The following CES2 variants were observed in gnomAD, a reference collection of about 807,000 sequenced individuals.
CES2 encodes the protein cocaine esterase.
A neutral mutation model predicts 52.1 loss-of-function variants in CES2; 42 were observed. The observed-to-expected ratio is 0.81, with a 90% confidence interval of 0.63 to 1.04. The LOEUF (loss-of-function observed/expected upper bound fraction) is 1.04, where lower values mean the gene tolerates loss of function less well. CES2 is among the 50% of genes least tolerant of loss of function. CES2 has a pLI of 0.00. For synonymous variants in CES2, 277 were observed against 289.6 expected (o/e 0.96, Z 0.44); for missense variants, 656 against 724.3 (o/e 0.91, Z 1.08).
chr16:66,943,739 G>A lies in CES2; in HGVS notation c.1494-100G>A, dbSNP rs1963418901. 5 of 982,252 alleles carry A rather than the reference G, an allele frequency of 5.1e-6. No individual in the cohort carries two copies. The highest frequency in any genetic ancestry group is 3.3e-5 in the African/African-American group (2 of 61,180). The allele number at this position is 982,252 out of a possible 1,614,324, so 60.8% of individuals were successfully genotyped here. ...CTCATTCCCCAAGCCCACCTGGCCT[G>A]CTTGGCTGCCTTGCCTGACCAGACT... On this transcript the variant is annotated intron_variant, in intron 11 of 11. Transcript: ENST00000317091. The surrounding 1 kb of genome is among the most constrained non-coding windows in gnomAD (Gnocchi z 4.2).
chr16:66,940,184 G>A (rs764710237), intron 3 of CES2, 38 bp from the exon 4 acceptor site: 3 of 1,609,366 alleles, frequency 1.9e-6, no homozygotes, highest in Non-Finnish European at 2.5e-6. Flanking sequence ...GGTTTGGGCT[G>A]GGTGGGAGCA....
In CES2 at chr16:66,941,677, G is replaced by A. The variant is rs759979464; in HGVS notation, c.1056+31G>A. 18 of 1,613,046 alleles carry A rather than the reference G, an allele frequency of 1.1e-5. No homozygotes were observed. In the Admixed American group the frequency reaches 2.7e-4, roughly 24 times the overall value. On this transcript the variant is annotated intron_variant, in intron 7 of 11. Transcript: ENST00000317091. ...CCCCAACCCAAGCCCACAAGTGCCT[G>A]GGGAGCCCATCTGGTAGTGGGGGGT...
chr16:66,938,917 T>C (rs529368062), intron 2 of CES2, among the ~76,000 whole-genome samples: 1 of 152,296 alleles, frequency 6.6e-6, no homozygotes, highest in East Asian at 1.9e-4. Flanking sequence ...TAGTGGTGAA[T>C]GTCAACACAT....
intron 1 of CES2, among the ~76,000 whole-genome samples, chr16:66,936,885 T>C (rs1170641838): frequency 6.6e-6 from 1 of 152,060 alleles, no homozygotes; most frequent in Non-Finnish European, 1.5e-5. Flanking sequence ...GATGGCTACC[T>C]TTTAAAATAT....
At chr16:66,941,417 A>T in intron 6 of CES2, 89 bp from the exon 7 acceptor site, 1 of 1,556,108 alleles carries the variant, frequency 6.4e-7, no homozygotes, top group Non-Finnish European at 8.8e-7. Flanking sequence ...GCATCCAGGG[A>T]TAAACTGGGA....
chr16:66,938,470 C>A (rs2241410), intron 2 of CES2: 7,845 of 572,708 alleles, frequency 0.014, 324 homozygotes, highest in East Asian at 0.11. Flanking sequence ...AAGACATTGG[C>A]TCCAGGTGCC....
At chr16:66,936,120 G>C in intron 1 of CES2, 2 of 770,910 alleles carry the variant, frequency 2.6e-6, no homozygotes, top group African/African-American at 3.6e-5. Flanking sequence ...TCAGTGTGTG[G>C]CGTCCTTGGC....
intron 1 of CES2, among the ~76,000 whole-genome samples, chr16:66,936,569 A>G (rs1230752182): frequency 6.6e-6 from 1 of 152,046 alleles, no homozygotes; most frequent in African/African-American, 2.4e-5. Context: ...CATGCCATTT[A>G]CCTCATCCTG....
rs1026507169 is a variant in CES2 at position 66,941,863 on chromosome 16, G to C, written c.1137+15G>C. ...TAACGCTGCTGGTAAGGCTCCTGGG[G>C]TCCCTCGCCAATGGAGACGGGCTCC... On this transcript the variant is annotated intron_variant, in intron 8 of 11. Transcript: ENST00000317091. The C allele has an allele frequency of 6.2e-7, 1 of 1,614,046 alleles. No homozygotes were observed. Among genetic ancestry groups the C allele is most frequent in the Middle Eastern group, 1.7e-4 (1 of 6,028 alleles).
rs1357375585 is a variant in CES2 at position 66,940,278 on chromosome 16, T to C, written c.480T>C (p.Asp160=). The change falls in exon 4 of 12, where the codon GAT becomes GAC. Residue 160 remains aspartate (D), a synonymous_variant. Transcript: ENST00000317091. ...TTTTTGGCATGGCTTCCTTGTATGA[T>C]GGTTCCATGCTGGCTGCCTTGGAGA... is the stretch of plus-strand genomic sequence containing the variant. ...ALVFGMASLY[D]GSMLAALENV... is the part of the protein sequence containing the mutation. The C allele has an allele frequency of 1.2e-6, 2 of 1,614,100 alleles. No homozygotes were observed. Among genetic ancestry groups the C allele is most frequent in the Non-Finnish European group, 1.7e-6 (2 of 1,180,002 alleles).
chr16:66,941,995 A>G (rs1963377991), intron 8 of CES2, 110 bp from the exon 9 acceptor site: 1 of 1,515,446 alleles, frequency 6.6e-7, no homozygotes, highest in Non-Finnish European at 9.0e-7. Context: ...GGGTCACCTC[A>G]GAGCCTCGCC....
chr16:66,943,737 C>A lies in CES2; in HGVS notation c.1494-102C>A. ...CACTCATTCCCCAAGCCCACCTGGC[C>A]TGCTTGGCTGCCTTGCCTGACCAGA... On this transcript the variant is annotated intron_variant, in intron 11 of 11. Coordinates refer to ENST00000317091, the MANE Select transcript of CES2 (RefSeq NM_001365405.1). The surrounding 1 kb of genome is among the most constrained non-coding windows in gnomAD (Gnocchi z 4.2). 1 of 951,694 alleles carries A rather than the reference C, an allele frequency of 1.1e-6. No individual in the cohort carries two copies. The highest frequency in any genetic ancestry group is 1.6e-6 in the Non-Finnish European group (1 of 634,142). 59.0% of individuals were successfully genotyped at this position (951,694 alleles called of 1,614,324 possible).
At chr16:66,942,608 G>T (rs773330423) in intron 9 of CES2, 40 bp from the exon 10 acceptor site, 3 of 1,611,196 alleles carry the variant, frequency 1.9e-6, no homozygotes, top group Non-Finnish European at 2.5e-6. Flanking sequence ...GAAGTCTTCA[G>T]GGGGAGGGGC....
chr16:66,937,985 A>C (rs1178695394), intron 1 of CES2, 52 bp from the exon 2 acceptor site: 10 of 1,447,044 alleles, frequency 6.9e-6, no homozygotes, highest in Non-Finnish European at 9.7e-6. Context: ...AACAGTTGGG[A>C]GGGCAGTCGA....
chr16:66,940,749 C>A, intron 5 of CES2, 54 bp downstream of exon 5: 2 of 1,580,498 alleles, frequency 1.3e-6, no homozygotes, highest in African/African-American at 1.3e-5. Context: ...TCATATCCCT[C>A]AGAGCCTCTG....
intron 6 of CES2, 134 bp from the exon 7 acceptor site, chr16:66,941,372 C>T: frequency 6.6e-7 from 1 of 1,513,086 alleles, no homozygotes; most frequent in Non-Finnish European, 8.9e-7. Flanking sequence ...TCGGTGCATG[C>T]TGAGCCAAAC....
intron 1 of CES2, 72 bp from the exon 2 acceptor site, chr16:66,937,965 C>A: frequency 8.0e-7 from 1 of 1,249,920 alleles, no homozygotes; most frequent in Non-Finnish European, 1.2e-6. Context: ...GGCAAGGAAG[C>A]AGCAATACCA....
At chr16:66,938,441 A>T in intron 2 of CES2, 200 bp downstream of exon 2, 1 of 593,972 alleles carries the variant, frequency 1.7e-6, no homozygotes, top group Non-Finnish European at 3.0e-6. Context: ...AGACTCCTGG[A>T]TCAGGGCTTG....
chr16:66,937,898 A>G, intron 1 of CES2, 139 bp from the exon 2 acceptor site: 1 of 700,426 alleles, frequency 1.4e-6, no homozygotes, highest in Non-Finnish European at 2.5e-6. Flanking sequence ...TGTTACAGGC[A>G]GGAAGTTTGT....
Sources: gnomAD v4.1 joint callset for allele counts (sites outside exome capture counted in the v4.1 genomes callset) on GRCh38, gnomAD v4.1.1 for gene constraint, Gnocchi (gnomAD v3.1) non-coding constraint, MANE v1.5 for transcripts, NCBI Gene and HGNC (gene_info 2026-07-23, HGNC 2026-07-21) for gene names.